SLC15A3: variants seen among roughly 807,000 people sequenced by gnomAD.
SLC15A3 encodes the protein solute carrier family 15 member 3.
Under a neutral mutation model 49.2 loss-of-function variants are expected in SLC15A3, and 39 were observed. That is an observed-to-expected ratio of 0.79 (90% confidence interval 0.61 to 1.04). The LOEUF is 1.04. Ranked by LOEUF, SLC15A3 falls within the 50% of genes least tolerant of loss-of-function variation. SLC15A3 has a pLI of 0.00. For missense variants in SLC15A3, 758 were observed against 794.8 expected (o/e 0.95, Z 0.56); for synonymous variants, 339 against 367.0 (o/e 0.92, Z 0.87).
chr11:60,943,553 G>A, intron 3 of SLC15A3, 136 bp downstream of exon 3: 1 of 941,688 alleles, frequency 1.1e-6, no homozygotes, highest in Non-Finnish European at 1.4e-6. Context: ...ATGCTAGCTG[G>A]TACGGGGCAG....
At chr11:60,937,688 A>T (rs1856639674) in intron 7 of SLC15A3, 182 bp downstream of exon 7, 3 of 783,102 alleles carry the variant, frequency 3.8e-6, no homozygotes, top group Non-Finnish European at 4.0e-6. Flanking sequence ...ACTTGGGGAA[A>T]GAAAGGCCCA....
At position 60,951,702 on chromosome 11, in the gene SLC15A3, T is replaced by TC. The variant is rs1196383635; in HGVS notation, c.-152dup. The stretch of plus-strand genomic sequence containing the variant: ...CGCTTTGGCCCACCCTTCCCTCCTG[T>TC]CCCCTCTCCCTTTCTTGCCCTACCC... On this transcript the variant is annotated 5_prime_UTR_variant, in exon 1 of 8. Coordinates refer to ENST00000227880, the MANE Select transcript of SLC15A3 (RefSeq NM_016582.3). 12 of 450,914 alleles carry TC rather than the reference T, an allele frequency of 2.7e-5. No homozygotes were observed. The highest frequency in any genetic ancestry group is 8.7e-5 in the African/African-American group (4 of 45,776). 27.9% of individuals were successfully genotyped at this position (450,914 alleles called of 1,614,324 possible).
At position 60,946,649 on chromosome 11, in the gene SLC15A3, A is replaced by T; in HGVS notation, c.731T>A (p.Phe244Tyr). Reference sequence around the variant, plus strand: ...GATGAAGACGGGGGTGGCAAAGAGGAAGATGAAAAATGCCAGGCCCACACA... The same window carrying T: ...GATGAAGACGGGGGTGGCAAAGAGGTAGATGAAAAATGCCAGGCCCACACA... The part of the protein sequence containing the change: ...VGCVGLAFFI[F>Y]LFATPVFITK... The change falls in exon 2 of 8, where the codon TTC becomes TAC. Residue 244 changes from phenylalanine to tyrosine, a missense_variant. Transcript: ENST00000227880. 1 of 1,614,096 alleles carries T rather than the reference A, an allele frequency of 6.2e-7. No individual in the cohort carries two copies. The highest frequency in any genetic ancestry group is 8.5e-7 in the Non-Finnish European group (1 of 1,179,968).
At chr11:60,939,369 T>G in intron 6 of SLC15A3, 111 bp downstream of exon 6, 1 of 1,307,362 alleles carries the variant, frequency 7.6e-7, no homozygotes, top group Non-Finnish European at 1.1e-6. Context: ...AACACTGCCT[T>G]CCTCCATGCA....
At position 60,952,172 on chromosome 11, in the gene SLC15A3, A is replaced by G. The variant is rs1217300348; in HGVS notation, c.-621T>C. ...TGTCCCTCTCTCGGCTTCTTGAGAA[A>G]CTCTGGGCTCCCCTCGCTTCCCCTT... is the stretch of plus-strand genomic sequence containing the variant. On this transcript the variant is annotated 5_prime_UTR_variant, in exon 1 of 8. Transcript: ENST00000227880. 6.7e-6 allele frequency among the ~76,000 whole-genome samples: 1 copy of G among 149,552 alleles called. No individual in the cohort carries two copies. Among genetic ancestry groups the G allele is most frequent in the African/African-American group, 2.5e-5 (1 of 40,520 alleles).
chr11:60,949,456 GAA>G (rs1453541014), intron 1 of SLC15A3, among the ~76,000 whole-genome samples: 2 of 143,554 alleles, frequency 1.4e-5, no homozygotes, highest in African/African-American at 5.2e-5. Flanking sequence ...GAAAGAGAAA[GAA>G]AGAGAGAGAG....
intron 2 of SLC15A3, among the ~76,000 whole-genome samples, chr11:60,946,282 C>T (rs949042686): frequency 3.9e-5 from 6 of 152,312 alleles, no homozygotes; most frequent in East Asian, 3.9e-4. Context: ...GGATAGCCAC[C>T]GCCCCCAGCC....
At chr11:60,944,523 C>T (rs1216721180) in intron 2 of SLC15A3, among the ~76,000 whole-genome samples, 5 of 152,162 alleles carry the variant, frequency 3.3e-5, no homozygotes, top group Non-Finnish European at 7.4e-5. Flanking sequence ...ACTCATTCCG[C>T]TCTAGAGCTG....
intron 2 of SLC15A3, among the ~76,000 whole-genome samples, chr11:60,946,256 A>T (rs1464862707): frequency 6.6e-6 from 1 of 152,106 alleles, no homozygotes; most frequent in Non-Finnish European, 1.5e-5. Context: ...AGCCTCCCAA[A>T]GTGCTGGAAT....
intron 3 of SLC15A3, chr11:60,942,388 A>C: frequency 2.3e-6 from 1 of 441,184 alleles, no homozygotes; most frequent in South Asian, 2.5e-5. Context: ...GAGCCCAGGC[A>C]CAGCTGGTCT....
chr11:60,937,955 C>A lies in SLC15A3; in HGVS notation c.1506G>T (p.Leu502=), dbSNP rs1398445470. 1.2e-6 allele frequency: 2 copies of A among 1,614,078 alleles called. No individual in the cohort carries two copies. The highest frequency in any genetic ancestry group is 1.7e-6 in the Non-Finnish European group (2 of 1,180,010). ...QGAIMGIFFC[L]SGVGSLLGSS... is the part of the protein sequence containing the mutation. ...AGCCCAACAGTGAGCCCACCCCCGA[C>A]AGGCAGAAGAAGATGCCCATGATGG... The change falls in exon 7 of 8, where the codon CTG becomes CTT. Residue 502 remains leucine (L), a synonymous_variant. Transcript: ENST00000227880.
Position 60,951,351 on chromosome 11 carries a change from C to T in SLC15A3, c.201G>A (p.Trp67Ter). The change falls in exon 1 of 8, where the codon TGG becomes TGA. Residue 67 changes from tryptophan to a stop codon, truncating the protein, a stop_gained. Transcript: ENST00000227880. LOFTEE classifies it high-confidence loss of function. ...VLYLNSTNFN[W>*]TGEQATRAAL... ...CGGCGCGCGTCGCCTGCTCGCCGGTCCAGTTGAAGTTGGTGCTGTTGAGGT... is the reference window on the plus strand; with the variant it reads ...CGGCGCGCGTCGCCTGCTCGCCGGTTCAGTTGAAGTTGGTGCTGTTGAGGT... 3 of 1,549,092 alleles carry T rather than the reference C, an allele frequency of 1.9e-6. No homozygotes were observed. Among genetic ancestry groups the T allele is most frequent in the Middle Eastern group, 2.0e-4 (1 of 4,882 alleles).
intron 2 of SLC15A3, among the ~76,000 whole-genome samples, chr11:60,945,104 A>G (rs1856781570): frequency 6.6e-6 from 1 of 152,202 alleles, no homozygotes; most frequent in South Asian, 2.1e-4. Flanking sequence ...CTGGGACTTC[A>G]ACGCCTCTTA....
chr11:60,949,548 GAA>G (rs981886374), intron 1 of SLC15A3, among the ~76,000 whole-genome samples: 1 of 78,400 alleles, frequency 1.3e-5, no homozygotes, highest in African/African-American at 2.8e-5. Context: ...AAGAAAGAAA[GAA>G]AGAAAGAAAG....
Position 60,941,112 on chromosome 11 carries a change from C to T in SLC15A3, c.1276+10G>A. ...AAGTTCAGCCCCCTGCCCCACACCCCTCTGCACACCTGCCACAATGACGGA... is the reference window on the plus strand; with the variant it reads ...AAGTTCAGCCCCCTGCCCCACACCCTTCTGCACACCTGCCACAATGACGGA... On this transcript the variant is annotated intron_variant, in intron 5 of 7. Transcript: ENST00000227880. 1 of 1,610,542 alleles carries T rather than the reference C, an allele frequency of 6.2e-7. No individual in the cohort carries two copies. Among genetic ancestry groups the T allele is most frequent in the East Asian group, 2.2e-5 (1 of 44,770 alleles).
chr11:60,944,162 A>C (rs1209659617), intron 2 of SLC15A3, among the ~76,000 whole-genome samples: 2 of 152,192 alleles, frequency 1.3e-5, no homozygotes, highest in East Asian at 3.8e-4. Flanking sequence ...CCCTCTCAAA[A>C]AACAAGCAAA....
chr11:60,941,811 A>C, intron 4 of SLC15A3: 1 of 535,514 alleles, frequency 1.9e-6, no homozygotes. Context: ...GAGCAGCAGC[A>C]TGGGGGTGTG....
At chr11:60,943,858 A>C (rs370528184) in intron 2 of SLC15A3, 22 bp from the exon 3 acceptor site, 2 of 1,506,572 alleles carry the variant, frequency 1.3e-6, no homozygotes, top group Non-Finnish European at 1.8e-6. Flanking sequence ...CAGAGGCAGC[A>C]GATAAAACAA....
intron 6 of SLC15A3, among the ~76,000 whole-genome samples, chr11:60,938,750 C>G (rs1856664633): frequency 6.6e-6 from 1 of 152,188 alleles, no homozygotes; most frequent in Non-Finnish European, 1.5e-5. Flanking sequence ...GACCGCTCCT[C>G]CTACCCACTC....
Sources: gnomAD v4.1 joint callset for allele counts (sites outside exome capture counted in the v4.1 genomes callset) on GRCh38, gnomAD v4.1.1 for gene constraint, MANE v1.5 for transcripts, NCBI Gene and HGNC (gene_info 2026-07-23, HGNC 2026-07-21) for gene names.